Variants in UNC13A observed in about 807,000 individuals in gnomAD.
UNC13A encodes the protein unc-13 homolog A, also known as protein unc-13 homolog A.
A neutral mutation model predicts 219.7 loss-of-function variants in UNC13A; 61 were observed. The ratio of observed to expected loss-of-function variants is 0.28; its 90% CI spans 0.23 to 0.34. The LOEUF is 0.34. Ranked by LOEUF, UNC13A falls within the 10% of genes least tolerant of loss-of-function variation. The pLI, the probability that UNC13A is intolerant of heterozygous loss-of-function variation, is 1.00. For synonymous variants in UNC13A, 920 were observed against 884.6 expected (o/e 1.04, Z -0.71); for missense variants, 1,476 against 2,270.3 (o/e 0.65, Z 7.11).
Position 17,611,785 on chromosome 19 carries a change from C to T in UNC13A, c.4629G>A (p.Gly1543=). The T allele has an allele frequency of 1.2e-6, 2 of 1,614,126 alleles. No individual in the cohort carries two copies. The highest frequency in any genetic ancestry group is 2.2e-5 in the South Asian group (2 of 91,068). Residue 1543 remains glycine (G), a synonymous_variant, in exon 42 of 44, where the codon GGG becomes GGA. Transcript: ENST00000519716. ...HVELFTHPGT[G]EHKVTVKVVA... Reference sequence around the variant, plus strand: ...CACCTTTCACTGTGACCTTGTGTTCCCCAGTTCCTGGATGAGTGAACAGCT... The same window carrying T: ...CACCTTTCACTGTGACCTTGTGTTCTCCAGTTCCTGGATGAGTGAACAGCT...
chr19:17,645,859 G>A lies in UNC13A; in HGVS notation c.2187-16C>T. ...GTGACATTCACTGTGGCGGGAGGAG[G>A]AGGCAGAGGCAGGGGTCAGGCAGCC... is the stretch of plus-strand genomic sequence containing the variant. On this transcript the variant is annotated splice_polypyrimidine_tract_variant and intron_variant, in intron 18 of 43. Transcript: ENST00000519716. 1 of 1,595,766 alleles carries A rather than the reference G, an allele frequency of 6.3e-7. No homozygotes were observed. The highest frequency in any genetic ancestry group is 1.1e-5 in the South Asian group (1 of 88,780).
At chr19:17,639,288 AT>A (rs2145035696) in intron 24 of UNC13A, 71 bp from the exon 25 acceptor site, 1 of 1,602,218 alleles carries the variant, frequency 6.2e-7, no homozygotes, top group East Asian at 2.2e-5. Context: ...ACTGCGAGTC[AT>A]TTTGGGTTTA....
intron 16 of UNC13A, 142 bp from the exon 17 acceptor site, chr19:17,647,634 C>A: frequency 1.3e-6 from 1 of 742,728 alleles, no homozygotes. Context: ...GCTTTCTGTA[C>A]CCCCCACCCA....
In UNC13A at chr19:17,649,493, G is replaced by T. The variant is rs960601845; in HGVS notation, c.1518+16C>A. On this transcript the variant is annotated intron_variant, in intron 13 of 43. Coordinates refer to ENST00000519716, the MANE Select transcript of UNC13A (RefSeq NM_001080421.3). The surrounding 1 kb of genome is among the most constrained non-coding windows in gnomAD (Gnocchi z 4.4). ...AGGCCTGCTCTGCTCAGGGAGTAAA[G>T]GGCGAGGGTGCTTACCAAGTCGCTC... The T allele has an allele frequency of 1.2e-6, 2 of 1,613,814 alleles. No individual in the cohort carries two copies. Among genetic ancestry groups the T allele is most frequent in the Non-Finnish European group, 1.7e-6 (2 of 1,179,872 alleles).
intron 43 of UNC13A, among the ~76,000 whole-genome samples, chr19:17,607,265 T>C (rs1283956351): frequency 1.3e-5 from 2 of 152,084 alleles, no homozygotes; most frequent in African/African-American, 4.8e-5. Flanking sequence ...TTATTTTTAT[T>C]TATTTTTATT....
chr19:17,668,109 A>T lies in UNC13A; in HGVS notation c.468+8T>A. 1 of 1,613,470 alleles carries T rather than the reference A, an allele frequency of 6.2e-7. No homozygotes were observed. The highest frequency in any genetic ancestry group is 1.1e-5 in the South Asian group (1 of 91,008). On this transcript the variant is annotated splice_region_variant and intron_variant, in intron 6 of 43. Transcript: ENST00000519716. ...GAAGAAACAGTCCCCTCCCACCCCA[A>T]CACTCACTTCATCCTGGTCCCGCAT...
intron 11 of UNC13A, among the ~76,000 whole-genome samples, chr19:17,654,669 C>T (rs1213218732): frequency 4.6e-5 from 7 of 152,146 alleles, no homozygotes; most frequent in Admixed American, 4.6e-4. Flanking sequence ...CCCTTGATTC[C>T]TACTCCCCTA....
chr19:17,619,121 T>A, intron 38 of UNC13A, 159 bp from the exon 39 acceptor site: 1 of 666,438 alleles, frequency 1.5e-6, no homozygotes, highest in South Asian at 1.8e-5. Context: ...CTGAGGAGGA[T>A]GTGGTGACCT....
chr19:17,606,161 G>A lies in UNC13A; in HGVS notation c.5005C>T (p.Leu1669=). Residue 1669 remains leucine (L), a synonymous_variant, in exon 44 of 44, where the codon CTG becomes TTG. Coordinates refer to ENST00000519716, the MANE Select transcript of UNC13A (RefSeq NM_001080421.3). The part of the protein sequence containing the change: ...IHMDDTGLTV[L]RILSQRSNDE... ...TTGCTGCGCTGCGAGAGGATTCGCA[G>A]CACCGTGAGGCCCGTGTCGTCCATG... 6.3e-7 allele frequency: 1 copy of A among 1,579,038 alleles called. No homozygotes were observed. The highest frequency in any genetic ancestry group is 8.6e-7 in the Non-Finnish European group (1 of 1,164,318).
chr19:17,603,719 T>A lies in UNC13A; in HGVS notation c.*2335A>T, dbSNP rs1386349288. ...TATCTAGGATTTGCACGTGGCCTTC[T>A]TAGCAATGCCAAACCCTTGGGCACT... On this transcript the variant is annotated 3_prime_UTR_variant, in exon 44 of 44. Transcript: ENST00000519716. 1 of 151,992 alleles carries A rather than the reference T, an allele frequency of 6.6e-6. No individual in the cohort carries two copies. The highest frequency in any genetic ancestry group is 1.5e-5 in the Non-Finnish European group (1 of 68,028). 9.4% of individuals were successfully genotyped at this position (151,992 alleles called of 1,614,324 possible).
At chr19:17,652,579 T>C in intron 12 of UNC13A, 52 bp downstream of exon 12, 2 of 1,612,534 alleles carry the variant, frequency 1.2e-6, no homozygotes, top group Non-Finnish European at 8.5e-7. Flanking sequence ...CAAACCAGCC[T>C]TGGACTTGGG....
intron 43 of UNC13A, among the ~76,000 whole-genome samples, chr19:17,608,395 TTTA>T (rs1247876479): frequency 1.5e-4 from 19 of 122,824 alleles, no homozygotes; most frequent in African/African-American, 5.9e-4. Context: ...TATATATATA[TTTA>T]TATATAATAT....
rs1298291413 is a variant in UNC13A, at chr19:17,627,970, G to A, written c.3754-30C>T. On this transcript the variant is annotated intron_variant, in intron 31 of 43. Coordinates refer to ENST00000519716, the MANE Select transcript of UNC13A (RefSeq NM_001080421.3). The surrounding 1 kb of genome is among the most constrained non-coding windows in gnomAD (Gnocchi z 4.7). Reference sequence around the variant, plus strand: ...GGGTGGGAACAGAGAGGGGAGTCAAGCCTCAGGACCTCTCCCCAGAGCCTC... The same window carrying A: ...GGGTGGGAACAGAGAGGGGAGTCAAACCTCAGGACCTCTCCCCAGAGCCTC... 1 of 1,565,844 alleles carries A rather than the reference G, an allele frequency of 6.4e-7. No homozygotes were observed. The highest frequency in any genetic ancestry group is 1.1e-5 in the South Asian group (1 of 88,018).
intron 4 of UNC13A, among the ~76,000 whole-genome samples, chr19:17,671,706 C>T (rs1422688534): frequency 3.9e-5 from 6 of 151,934 alleles, no homozygotes; most frequent in African/African-American, 1.2e-4. Flanking sequence ...CCTGGGAAGT[C>T]GAGGCTGCAG....
chr19:17,606,906 C>T (rs1007011358), intron 43 of UNC13A, among the ~76,000 whole-genome samples: 2 of 152,006 alleles, frequency 1.3e-5, no homozygotes, highest in Non-Finnish European at 2.9e-5. Flanking sequence ...TGCCCCTCAC[C>T]TGTGCTCCTG....
chr19:17,635,942 T>A (rs751736135), intron 26 of UNC13A, 82 bp downstream of exon 26: 32 of 1,486,736 alleles, frequency 2.2e-5, no homozygotes, highest in Middle Eastern at 1.8e-4. Context: ...TTAGACAAAA[T>A]CATCTTGACA....
intron 28 of UNC13A, among the ~76,000 whole-genome samples, chr19:17,632,390 G>T (rs1306039145): frequency 1.3e-5 from 2 of 152,116 alleles, no homozygotes; most frequent in African/African-American, 4.8e-5. Flanking sequence ...TTTCCAGGCT[G>T]GTCTCGAACT....
intron 37 of UNC13A, among the ~76,000 whole-genome samples, chr19:17,621,175 A>G (rs1225336155): frequency 6.6e-6 from 1 of 152,140 alleles, no homozygotes; most frequent in African/African-American, 2.4e-5. Context: ...ACTCCTAAAC[A>G]CTTGCAGGCA....
At chr19:17,631,214 T>C (rs1190378869) in intron 28 of UNC13A, among the ~76,000 whole-genome samples, 1,824 of 20,232 alleles carry the variant, frequency 0.09, 144 homozygotes, top group African/African-American at 0.22. Context: ...CTTCCTTCCT[T>C]CCTTCCTTCT....
Sources: gnomAD v4.1 joint callset for allele counts (sites outside exome capture counted in the v4.1 genomes callset) on GRCh38, gnomAD v4.1.1 for gene constraint, Gnocchi (gnomAD v3.1) non-coding constraint, MANE v1.5 for transcripts, NCBI Gene and HGNC (gene_info 2026-07-23, HGNC 2026-07-21) for gene names.